The following EML6 variants were observed in gnomAD, a reference collection of about 807,000 sequenced individuals.
EML6 encodes EMAP like 6, also known as echinoderm microtubule-associated protein-like 6.
EML6 carries 154 observed loss-of-function variants against 240.1 expected under a neutral mutation model. The observed-to-expected ratio is 0.64, with a 90% confidence interval of 0.56 to 0.73. The LOEUF (loss-of-function observed/expected upper bound fraction) is 0.73, where lower values mean the gene tolerates loss of function less well. Ranked by LOEUF, EML6 falls within the 30% of genes least tolerant of loss-of-function variation. The probability of loss-of-function intolerance (pLI) is 0.00; values close to 1 mark genes in which losing one functional copy is unlikely to be tolerated. For synonymous variants in EML6, 1,148 were observed against 899.0 expected, an observed-to-expected ratio of 1.28 and a Z score of -4.95; for missense variants, 2,964 against 2,474.6, an observed-to-expected ratio of 1.20 and a Z score of -4.20.
chr2:54,932,312 T>C (rs1264625695), intron 28 of EML6, among the ~76,000 whole-genome samples: 1 of 152,232 alleles, frequency 6.6e-6, no homozygotes, highest in Non-Finnish European at 1.5e-5. Context: ...ATCTTGCTGC[T>C]CAGCTGCCAC....
intron 21 of EML6, among the ~76,000 whole-genome samples, chr2:54,898,502 T>A (rs1306265814): frequency 6.6e-6 from 1 of 152,172 alleles, no homozygotes; most frequent in East Asian, 1.9e-4. Context: ...ATGTAGGGTG[T>A]CCTCAAATCC....
intron 2 of EML6, among the ~76,000 whole-genome samples, chr2:54,733,322 C>T (rs147814307): frequency 6.6e-4 from 101 of 152,258 alleles, no homozygotes; most frequent in African/African-American, 2.1e-3. Flanking sequence ...TTCTGTGTTA[C>T]GAGTTGATTT....
intron 2 of EML6, among the ~76,000 whole-genome samples, chr2:54,744,890 CACA>C (rs1487107710): frequency 2.1e-5 from 3 of 141,916 alleles, no homozygotes; most frequent in East Asian, 2.4e-4. Flanking sequence ...ATGTGTATAA[CACA>C]ACACACACAC....
intron 13 of EML6, among the ~76,000 whole-genome samples, chr2:54,865,901 C>T (rs1670946890): frequency 6.6e-6 from 1 of 152,156 alleles, no homozygotes; most frequent in Non-Finnish European, 1.5e-5. Context: ...CCCATTTAAA[C>T]AATAGAAATA....
intron 2 of EML6, among the ~76,000 whole-genome samples, chr2:54,743,346 C>T (rs1157179755): frequency 6.6e-6 from 1 of 152,198 alleles, no homozygotes; most frequent in Non-Finnish European, 1.5e-5. Context: ...CGTGCGAACT[C>T]CAAATGACAG....
chr2:54,862,890 T>A (rs979176034), intron 12 of EML6, among the ~76,000 whole-genome samples: 8 of 152,210 alleles, frequency 5.3e-5, no homozygotes, highest in Non-Finnish European at 1.2e-4. Context: ...AGGATACATT[T>A]CAGCTTCCTT....
intron 12 of EML6, among the ~76,000 whole-genome samples, chr2:54,862,676 A>AC (rs1226959436): frequency 2.6e-5 from 4 of 152,194 alleles, no homozygotes; most frequent in Admixed American, 6.5e-5. Flanking sequence ...AGCGCAAAGG[A>AC]CACGAGTAAG....
At chr2:54,778,751 G>A (rs913621346) in intron 2 of EML6, among the ~76,000 whole-genome samples, 2 of 151,696 alleles carry the variant, frequency 1.3e-5, no homozygotes, top group South Asian at 2.1e-4. Context: ...AATTAGCTGC[G>A]TGTGGTGGCG....
In EML6 at chr2:54,854,382, C is replaced by A. The variant is rs574948226; in HGVS notation, c.1657+527C>A. Among the ~76,000 whole-genome samples, 12 of 151,960 alleles carry A rather than the reference C, an allele frequency of 7.9e-5. No homozygotes were observed. In the South Asian group the frequency reaches 2.5e-3, roughly 32 times the overall value. ...TTTGATTCAAAGCAACCCTCTTTGCCCTCATGTTTTGTTGTTTTGTTTTGT... is the reference window on the plus strand; with the variant it reads ...TTTGATTCAAAGCAACCCTCTTTGCACTCATGTTTTGTTGTTTTGTTTTGT... On this transcript the variant is annotated intron_variant, in intron 11 of 41. Coordinates refer to ENST00000356458, the MANE Select transcript of EML6 (RefSeq NM_001039753.4).
intron 2 of EML6, among the ~76,000 whole-genome samples, chr2:54,797,416 A>T (rs1224764567): frequency 3.3e-5 from 5 of 152,076 alleles, no homozygotes; most frequent in Non-Finnish European, 4.4e-5. Flanking sequence ...ATCCTGTCTT[A>T]ATCTGCTTAG....
intron 2 of EML6, among the ~76,000 whole-genome samples, chr2:54,775,849 T>C (rs890438446): frequency 6.6e-6 from 1 of 152,172 alleles, no homozygotes; most frequent in Non-Finnish European, 1.5e-5. Flanking sequence ...AATTATAGAA[T>C]TTTCTCTTTA....
chr2:54,786,673 G>T (rs1669112553), intron 2 of EML6, among the ~76,000 whole-genome samples: 1 of 152,200 alleles, frequency 6.6e-6, no homozygotes, highest in Non-Finnish European at 1.5e-5. Flanking sequence ...ACTCCATTGA[G>T]TCCAGATTTC....
rs1400803354 is a variant in EML6, at chr2:54,844,110, A to G, written c.911A>G (p.Glu304Gly). 1.3e-6 allele frequency: 2 copies of G among 1,551,552 alleles called. No homozygotes were observed. The highest frequency in any genetic ancestry group is 2.0e-5 in the Admixed American group (1 of 50,990). ...DRLLAGTQDS[E>G]IFEVIVRERD... ...CTTCTAGCAGGGACCCAGGACAGTG[A>G]GATATTTGAAGTGATTGTGCGAGAG... Residue 304 changes from glutamate (E) to glycine (G), a missense_variant, in exon 8 of 42, where the codon GAG becomes GGG. By Grantham distance (98) the Glu-to-Gly change is moderately conservative. Coordinates refer to ENST00000356458, the MANE Select transcript of EML6 (RefSeq NM_001039753.4).
intron 10 of EML6, among the ~76,000 whole-genome samples, chr2:54,852,610 C>G (rs1433851093): frequency 2.0e-5 from 3 of 152,156 alleles, no homozygotes; most frequent in African/African-American, 7.2e-5. Flanking sequence ...TTCTCCAAGG[C>G]AAGAACACTA....
Position 54,958,016 on chromosome 2 carries a change from C to A in EML6, c.4695+18C>A. The A allele has an allele frequency of 6.5e-7, 1 of 1,539,278 alleles. No individual in the cohort carries two copies. The highest frequency in any genetic ancestry group is 8.8e-7 in the Non-Finnish European group (1 of 1,138,436). Reference sequence around the variant, plus strand: ...TCGGTGCTGTGAGTTCTAGCAGATACTCCCTGAGAAGGGGACCCAGACCCC... The same window carrying A: ...TCGGTGCTGTGAGTTCTAGCAGATAATCCCTGAGAAGGGGACCCAGACCCC... On this transcript the variant is annotated intron_variant, in intron 33 of 41. Transcript: ENST00000356458.
In EML6 at chr2:54,967,105, T is replaced by C; in HGVS notation, c.5597+2T>C. On this transcript the variant is annotated splice_donor_variant, in intron 39 of 41. Transcript: ENST00000356458. LOFTEE classifies it high-confidence loss of function. Reference sequence around the variant, plus strand: ...GATCACCTGGGCCTCCTGGACAAGGTGACTGACTGGAAGAAAAAACTTGAG... The same window carrying C: ...GATCACCTGGGCCTCCTGGACAAGGCGACTGACTGGAAGAAAAAACTTGAG... 6.5e-7 allele frequency: 1 copy of C among 1,547,652 alleles called. No individual in the cohort carries two copies. The highest frequency in any genetic ancestry group is 8.7e-7 in the Non-Finnish European group (1 of 1,143,610).
intron 2 of EML6, among the ~76,000 whole-genome samples, chr2:54,742,883 G>T (rs1211841198): frequency 6.6e-6 from 1 of 152,160 alleles, no homozygotes; most frequent in Admixed American, 6.5e-5. Flanking sequence ...TCATTGATAG[G>T]TCTTTGGAAA....
intron 18 of EML6, among the ~76,000 whole-genome samples, chr2:54,891,395 A>G (rs1040843812): frequency 6.6e-6 from 1 of 152,210 alleles, no homozygotes; most frequent in South Asian, 2.1e-4. Context: ...GAAAATAATC[A>G]TTTTTATATT....
chr2:54,822,291 G>C (rs1405237230), intron 5 of EML6, among the ~76,000 whole-genome samples: 1 of 152,142 alleles, frequency 6.6e-6, no homozygotes, highest in African/African-American at 2.4e-5. Flanking sequence ...TGGTAGAGAG[G>C]GGTAAGCTGA....
Sources: allele counts gnomAD v4.1 joint callset (sites outside exome capture counted in the v4.1 genomes callset), GRCh38; gene constraint gnomAD v4.1.1; transcripts MANE v1.5; gene names NCBI Gene and HGNC (gene_info 2026-07-23, HGNC 2026-07-21).